The following SELE variants were observed in gnomAD, a reference collection of about 807,000 sequenced individuals.
The protein encoded by SELE is E-selectin.
A neutral mutation model predicts 75.8 loss-of-function variants in SELE; 52 were observed. That is an observed-to-expected ratio of 0.69 (90% CI 0.55 to 0.86). SELE has a LOEUF of 0.86. Among genes scored for constraint, SELE ranks in the 40% least tolerant of loss-of-function variants. The pLI is 0.00. For synonymous variants in SELE, 285 were observed against 258.7 expected (o/e 1.10, Z -0.98); for missense variants, 754 against 732.7 (o/e 1.03, Z -0.34).
At chr1:169,727,660 C>A in intron 9 of SELE, 79 bp downstream of exon 9, 3 of 1,545,238 alleles carry the variant, frequency 1.9e-6, no homozygotes, top group South Asian at 1.2e-5. Flanking sequence ...TAGGACCAAA[C>A]CCCTTTGGGG....
Position 169,725,752 on chromosome 1 carries a change from T to C in SELE, c.1825A>G (p.Ile609Val). Residue 609 changes from isoleucine (I) to valine (V), a missense_variant, in exon 13 of 14, where the codon ATC becomes GTC. Coordinates refer to ENST00000333360, the MANE Select transcript of SELE (RefSeq NM_000450.2). ...ACCTGATTCTTTTGAACTTAAAGGA[T>C]GTAAGAAGGCTTTTGGTAGCTTCCA... ...SDGSYQKPSY[I>V]L The C allele has an allele frequency of 6.2e-7, 1 of 1,614,032 alleles. No homozygotes were observed. The highest frequency in any genetic ancestry group is 8.5e-7 in the Non-Finnish European group (1 of 1,179,922).
intron 4 of SELE, 78 bp downstream of exon 4, chr1:169,731,757 G>T: frequency 1.1e-6 from 1 of 934,394 alleles, no homozygotes; most frequent in African/African-American, 1.6e-5. Flanking sequence ...AAGGCATGCA[G>T]ACCTGACTCT....
At position 169,731,938 on chromosome 1, in the gene SELE, G is replaced by C. The variant is rs775330807; in HGVS notation, c.426C>G (p.Ala142=). 5.0e-6 allele frequency: 8 copies of C among 1,605,636 alleles called. No homozygotes were observed. The East Asian group carries it at 1.8e-4, about 36-fold the overall frequency. Residue 142 remains alanine, a synonymous_variant, in exon 4 of 14, where the codon GCC becomes GCG. Coordinates refer to ENST00000333360, the MANE Select transcript of SELE (RefSeq NM_000450.2). The part of the protein sequence containing the change: ...KKKLALCYTA[A]CTNTSCSGHG... Reference sequence around the variant, plus strand: ...GGCCACTGCAGGATGTATTGGTACAGGCAGCTACGGAAAATACAAAGCATG... The same window carrying C: ...GGCCACTGCAGGATGTATTGGTACACGCAGCTACGGAAAATACAAAGCATG...
At chr1:169,726,555 T>C in intron 11 of SELE, 144 bp downstream of exon 11, 1 of 677,150 alleles carries the variant, frequency 1.5e-6, no homozygotes, top group Admixed American at 2.6e-5. Context: ...TACTAACTCT[T>C]TTCTTAATAC....
chr1:169,733,446 C>A, intron 2 of SELE, 130 bp downstream of exon 2: 1 of 873,714 alleles, frequency 1.1e-6, no homozygotes, highest in Non-Finnish European at 1.9e-6. Context: ...GGGAAGAACA[C>A]ATTGCAGGTA....
chr1:169,733,149 G>T, intron 2 of SELE, 151 bp from the exon 3 acceptor site: 1 of 772,406 alleles, frequency 1.3e-6, no homozygotes, highest in Non-Finnish European at 2.0e-6. Context: ...TACGTATGAA[G>T]AAACAGCGAC....
intron 5 of SELE, 134 bp downstream of exon 5, chr1:169,730,298 G>A (rs1648879667): frequency 1.3e-6 from 1 of 791,980 alleles, no homozygotes; most frequent in Non-Finnish European, 1.9e-6. Flanking sequence ...CATTGGCTGA[G>A]AGAACAAATT....
intron 4 of SELE, 30 bp from the exon 5 acceptor site, chr1:169,730,647 C>A: frequency 6.8e-7 from 1 of 1,470,882 alleles, no homozygotes; most frequent in Non-Finnish European, 9.2e-7. Flanking sequence ...CAGTTCTGCT[C>A]ATCTCTCACC....
Position 169,726,761 on chromosome 1 carries a change from G to A in SELE, c.1691C>T (p.Ala564Val). ...TGCTAATGTCAGGAGGGAGAGTCCA[G>A]CAGCAGAAAGTCCAGCTACCAAGGG... is the stretch of plus-strand genomic sequence containing the variant. ...NIPLVAGLSA[A>V]GLSLLTLAPF... The change falls in exon 11 of 14, where the codon GCT becomes GTT. Residue 564 changes from alanine to valine, a missense_variant. Ala to Val is a moderately conservative substitution (Grantham distance 64). Transcript: ENST00000333360. 1 of 1,613,910 alleles carries A rather than the reference G, an allele frequency of 6.2e-7. No individual in the cohort carries two copies. The highest frequency in any genetic ancestry group is 8.5e-7 in the Non-Finnish European group (1 of 1,179,908).
chr1:169,727,821 C>T lies in SELE; in HGVS notation c.1386G>A (p.Glu462=). 6.2e-7 allele frequency: 1 copy of T among 1,614,178 alleles called. No homozygotes were observed. Among genetic ancestry groups the T allele is most frequent in the Non-Finnish European group, 8.5e-7 (1 of 1,180,012 alleles). Reference sequence around the variant, plus strand: ...TTGATCCATGTAATTCAAATCCCTCCTCACAGCTGAAGGCACAAGAGGACT... The same window carrying T: ...TTGATCCATGTAATTCAAATCCCTCTTCACAGCTGAAGGCACAAGAGGACT... The part of the protein sequence containing the change: ...TYKSSCAFSC[E]EGFELHGSTQ... Residue 462 remains glutamate, a synonymous_variant, in exon 9 of 14, where the codon GAG becomes GAA. Transcript: ENST00000333360.
At position 169,724,151 on chromosome 1, in the gene SELE, A is replaced by C. The variant is rs1357204578; in HGVS notation, c.*374T>G. On this transcript the variant is annotated 3_prime_UTR_variant, in exon 14 of 14. Coordinates refer to ENST00000333360, the MANE Select transcript of SELE (RefSeq NM_000450.2). Reference sequence around the variant, plus strand: ...AAACACTGTGAAGGGCAAAAGAAAGAAAGCCACAAAATATTGTGTTTCTGT... The same window carrying C: ...AAACACTGTGAAGGGCAAAAGAAAGCAAGCCACAAAATATTGTGTTTCTGT... 6.6e-6 allele frequency: 1 copy of C among 152,264 alleles called. No homozygotes were observed. Among genetic ancestry groups the C allele is most frequent in the Non-Finnish European group, 1.5e-5 (1 of 68,052 alleles). 9.4% of individuals were successfully genotyped at this position (152,264 alleles called of 1,614,324 possible). A position where few individuals can be genotyped will look rare whatever the true frequency, so the allele number is the denominator to read the frequency against.
Position 169,724,468 on chromosome 1 carries a change from T to C in SELE, c.*57A>G, listed in dbSNP as rs2101989350. On this transcript the variant is annotated 3_prime_UTR_variant, in exon 14 of 14. Transcript: ENST00000333360. ...CCCGAGGAGAGTTATCTGTCTCTGTTAACTTCAGTGTATCCCTCTAGTTCC... is the reference window on the plus strand; with the variant it reads ...CCCGAGGAGAGTTATCTGTCTCTGTCAACTTCAGTGTATCCCTCTAGTTCC... The C allele has an allele frequency of 6.6e-6, 1 of 152,356 alleles. No homozygotes were observed. The highest frequency in any genetic ancestry group is 2.4e-5 in the African/African-American group (1 of 41,582). 9.4% of individuals were successfully genotyped at this position (152,356 alleles called of 1,614,324 possible). A position where few individuals can be genotyped will look rare whatever the true frequency, so the allele number is the denominator to read the frequency against.
chr1:169,731,013 C>T (rs1648898490), intron 4 of SELE, among the ~76,000 whole-genome samples: 1 of 152,166 alleles, frequency 6.6e-6, no homozygotes, highest in Admixed American at 6.6e-5. Context: ...GAACCATTCA[C>T]AAAGCTATAT....
At chr1:169,727,985 C>T in intron 8 of SELE, 58 bp from the exon 9 acceptor site, 1 of 1,586,852 alleles carries the variant, frequency 6.3e-7, no homozygotes, top group Non-Finnish European at 8.6e-7. Flanking sequence ...AATACGTTTC[C>T]CAAGGTAACC....
rs188240198 is a variant in SELE at position 169,726,781 on chromosome 1, C to G, written c.1671G>C (p.Leu557Phe). The G allele has an allele frequency of 5.0e-6, 8 of 1,613,374 alleles. No homozygotes were observed. The highest frequency in any genetic ancestry group is 1.7e-6 in the Non-Finnish European group (2 of 1,179,660). Reference sequence around the variant, plus strand: ...GTCCAGCAGCAGAAAGTCCAGCTACCAAGGGAATGTTGGACTCAGTGGGAG... The same window carrying G: ...GTCCAGCAGCAGAAAGTCCAGCTACGAAGGGAATGTTGGACTCAGTGGGAG... ...CEAPTESNIP[L>F]VAGLSAAGLS... Residue 557 changes from leucine to phenylalanine, a missense_variant, in exon 11 of 14, where the codon TTG (leucine) becomes TTC (phenylalanine). Leu to Phe is a conservative substitution (Grantham distance 22). Transcript: ENST00000333360.
rs746794882 is a variant in SELE, at chr1:169,723,287, C to T, written c.*1238G>A. The T allele has an allele frequency of 2.0e-5, 3 of 152,146 alleles. No homozygotes were observed. Among genetic ancestry groups the T allele is most frequent in the East Asian group, 1.9e-4 (1 of 5,206 alleles). The allele number at this position is 152,146 out of a possible 1,614,324, so 9.4% of individuals were successfully genotyped here. ...GGAATAACTATTAGACATCTTCATT[C>T]GTTAAAAATCTACCAGATGACTCTT... On this transcript the variant is annotated 3_prime_UTR_variant, in exon 14 of 14. Coordinates refer to ENST00000333360, the MANE Select transcript of SELE (RefSeq NM_000450.2).
intron 13 of SELE, 54 bp downstream of exon 13, chr1:169,725,673 CAG>C: frequency 6.9e-7 from 1 of 1,450,682 alleles, no homozygotes; most frequent in African/African-American, 1.4e-5. Context: ...CAAGGAGAAA[CAG>C]AGCATGTAGA....
chr1:169,725,739 T>G lies in SELE; in HGVS notation c.*5A>C. The stretch of plus-strand genomic sequence containing the variant: ...ATTTACAAGTCTTACCTGATTCTTT[T>G]GAACTTAAAGGATGTAAGAAGGCTT... On this transcript the variant is annotated 3_prime_UTR_variant, in exon 13 of 14. Transcript: ENST00000333360. 1.2e-6 allele frequency: 2 copies of G among 1,613,588 alleles called. No homozygotes were observed. Among genetic ancestry groups the G allele is most frequent in the Non-Finnish European group, 8.5e-7 (1 of 1,179,530 alleles).
chr1:169,729,600 T>C lies in SELE; in HGVS notation c.789A>G (p.Pro263=). The C allele has an allele frequency of 6.2e-7, 1 of 1,614,170 alleles. No homozygotes were observed. The change falls in exon 6 of 14, where the codon CCA becomes CCG. Residue 263 remains proline, a synonymous_variant. Transcript: ENST00000333360. ...AGTCAAATGTACAGGTTGTGTTCCA[T>C]GGGAAGCTTCCAGGGTTTTGGAAAC... ...VECFQNPGSF[P]WNTTCTFDCE...
Sources: allele counts gnomAD v4.1 joint callset (sites outside exome capture counted in the v4.1 genomes callset), GRCh38; gene constraint gnomAD v4.1.1; transcripts MANE v1.5; gene names NCBI Gene and HGNC (gene_info 2026-07-23, HGNC 2026-07-21).